TBC1D12: variants seen among roughly 807,000 people sequenced by gnomAD.
TBC1D12 encodes the protein TBC1 domain family, member 12.
Under a neutral mutation model 86.7 loss-of-function variants are expected in TBC1D12, and 56 were observed. The ratio of observed to expected loss-of-function variants is 0.65; its 90% confidence interval spans 0.52 to 0.81. TBC1D12 has a LOEUF of 0.81. Among genes scored for constraint, TBC1D12 ranks in the 30% least tolerant of loss-of-function variants. TBC1D12 has a pLI of 0.00. For synonymous variants in TBC1D12, 421 were observed against 411.7 expected (o/e 1.02, Z -0.27); for missense variants, 1,023 against 1,038.8 (o/e 0.98, Z 0.21).
At chr10:94,502,467 G>C (rs1025510852) in intron 6 of TBC1D12, among the ~76,000 whole-genome samples, 1 of 152,122 alleles carries the variant, frequency 6.6e-6, no homozygotes, top group Non-Finnish European at 1.5e-5. Context: ...CACTTCAGGA[G>C]GCTGAGGCGG....
At chr10:94,433,908 G>A (rs1225146591) in intron 1 of TBC1D12, among the ~76,000 whole-genome samples, 1 of 151,282 alleles carries the variant, frequency 6.6e-6, no homozygotes, top group Non-Finnish European at 1.5e-5. Flanking sequence ...CTGCCTACCT[G>A]TTCTTGCAGT....
chr10:94,483,649 A>G (rs1042595083), intron 3 of TBC1D12, among the ~76,000 whole-genome samples: 3 of 152,076 alleles, frequency 2.0e-5, no homozygotes, highest in African/African-American at 4.8e-5. Flanking sequence ...AGCTCCTTAT[A>G]TATTCTAGTT....
chr10:94,445,807 G>T (rs1481149708), intron 2 of TBC1D12, among the ~76,000 whole-genome samples: 1 of 152,054 alleles, frequency 6.6e-6, no homozygotes, highest in Non-Finnish European at 1.5e-5. Context: ...AATTAGCTAG[G>T]TGTGGTGGCA....
intron 1 of TBC1D12, among the ~76,000 whole-genome samples, chr10:94,432,360 T>A (rs749283982): frequency 2.0e-5 from 3 of 152,354 alleles, no homozygotes; most frequent in Admixed American, 1.3e-4. Context: ...ATTATTTTCC[T>A]AGGCTGACCA....
chr10:94,504,177 C>A (rs1325263871), intron 6 of TBC1D12, among the ~76,000 whole-genome samples: 1 of 152,116 alleles, frequency 6.6e-6, no homozygotes, highest in African/African-American at 2.4e-5. Flanking sequence ...TCTTAAGAAT[C>A]AATTTTGCAA....
At chr10:94,412,890 A>G (rs1429825145) in intron 1 of TBC1D12, among the ~76,000 whole-genome samples, 1 of 152,168 alleles carries the variant, frequency 6.6e-6, no homozygotes, top group Non-Finnish European at 1.5e-5. Context: ...AGTGTTTAAA[A>G]TTACTTGGAA....
At chr10:94,523,622 G>A (rs1484394246) in intron 11 of TBC1D12, among the ~76,000 whole-genome samples, 1 of 151,932 alleles carries the variant, frequency 6.6e-6, no homozygotes, top group Non-Finnish European at 1.5e-5. Flanking sequence ...GAATAGCTCA[G>A]CTTTTTACTG....
intron 1 of TBC1D12, among the ~76,000 whole-genome samples, chr10:94,426,646 C>T (rs572017969): frequency 9.2e-5 from 14 of 152,190 alleles, no homozygotes; most frequent in South Asian, 2.1e-4. Flanking sequence ...GTAACGATCT[C>T]GGCTCACTGC....
chr10:94,471,543 G>T (rs891616362), intron 2 of TBC1D12, among the ~76,000 whole-genome samples: 8 of 152,114 alleles, frequency 5.3e-5, no homozygotes, highest in Admixed American at 3.9e-4. Flanking sequence ...TATTCAGTGA[G>T]ATTAATGTGT....
rs564830639 is a variant in TBC1D12 at position 94,461,242 on chromosome 10, A to T, written c.1096-13426A>T. Among the ~76,000 whole-genome samples, 6 of 152,270 alleles carry T rather than the reference A, an allele frequency of 3.9e-5. No individual in the cohort carries two copies. The South Asian group carries it at 8.3e-4, about 21-fold the overall frequency. On this transcript the variant is annotated intron_variant, in intron 2 of 12. Transcript: ENST00000225235. ...AGGGGAAGCATTCTATAGTCCTATG[A>T]TTGGGTCTTAATCTTTTGGTGAACC... is the stretch of plus-strand genomic sequence containing the variant.
intron 3 of TBC1D12, among the ~76,000 whole-genome samples, chr10:94,489,680 G>A (rs151285893): frequency 2.0e-5 from 3 of 152,212 alleles, no homozygotes; most frequent in Non-Finnish European, 4.4e-5. Flanking sequence ...AGAGATATGG[G>A]ACTCTTCTTT....
intron 2 of TBC1D12, among the ~76,000 whole-genome samples, chr10:94,450,203 A>C (rs904235588): frequency 6.6e-6 from 1 of 152,086 alleles, no homozygotes; most frequent in Non-Finnish European, 1.5e-5. Context: ...CTAGCCTTTG[A>C]GTTATTTCAG....
At chr10:94,500,877 G>A (rs1002706453) in intron 6 of TBC1D12, among the ~76,000 whole-genome samples, 12 of 151,836 alleles carry the variant, frequency 7.9e-5, no homozygotes, top group Non-Finnish European at 1.6e-4. Context: ...CCAACATAGC[G>A]AAACCCTGTC....
At chr10:94,476,129 T>C (rs933800203) in intron 3 of TBC1D12, among the ~76,000 whole-genome samples, 29 of 145,894 alleles carry the variant, frequency 2.0e-4, no homozygotes, top group African/African-American at 6.7e-4. Flanking sequence ...CTCTCTCTCT[T>C]TTTTTTTTTA....
intron 1 of TBC1D12, among the ~76,000 whole-genome samples, chr10:94,424,185 C>A (rs546250039): frequency 6.6e-6 from 1 of 151,930 alleles, no homozygotes; most frequent in East Asian, 1.9e-4. Flanking sequence ...ATCAGTCCCC[C>A]ACAGATACCA....
At chr10:94,469,624 A>C (rs561064457) in intron 2 of TBC1D12, among the ~76,000 whole-genome samples, 1 of 151,244 alleles carries the variant, frequency 6.6e-6, no homozygotes, top group Non-Finnish European at 1.5e-5. Flanking sequence ...TAATTTTTGT[A>C]TTTTTCATAG....
At chr10:94,456,597 G>A (rs1376939104) in intron 2 of TBC1D12, among the ~76,000 whole-genome samples, 2 of 152,164 alleles carry the variant, frequency 1.3e-5, no homozygotes, top group Non-Finnish European at 2.9e-5. Flanking sequence ...AATGTAGTCT[G>A]TATTGGTGAA....
intron 1 of TBC1D12, 85 bp downstream of exon 1, chr10:94,403,669 G>T: frequency 7.2e-7 from 1 of 1,387,888 alleles, no homozygotes; most frequent in Non-Finnish European, 9.3e-7. Flanking sequence ...AGCCGGAGCC[G>T]GAGCCGGAGC....
At chr10:94,438,579 G>C (rs950150073) in intron 1 of TBC1D12, among the ~76,000 whole-genome samples, 25 of 152,186 alleles carry the variant, frequency 1.6e-4, no homozygotes, top group South Asian at 1.5e-3. Context: ...AGCAACTCCA[G>C]GAACATGGGC....
Sources: gnomAD v4.1 joint callset for allele counts (sites outside exome capture counted in the v4.1 genomes callset) on GRCh38, gnomAD v4.1.1 for gene constraint, MANE v1.5 for transcripts, NCBI Gene and HGNC (gene_info 2026-07-23, HGNC 2026-07-21) for gene names.